The following PHKA2 variants were observed in gnomAD, a reference collection of about 807,000 sequenced individuals.
PHKA2 encodes phosphorylase b kinase regulatory subunit alpha, liver isoform.
Under a neutral mutation model 102.0 loss-of-function variants are expected in PHKA2, and 31 were observed. The observed-to-expected ratio is 0.30, with a 90% CI of 0.23 to 0.41. The LOEUF (loss-of-function observed/expected upper bound fraction) is 0.41, where lower values mean the gene tolerates loss of function less well. Ranked by LOEUF, PHKA2 falls within the 10% of genes least tolerant of loss-of-function variation. The probability of loss-of-function intolerance (pLI) is 1.00; values close to 1 mark genes in which losing one functional copy is unlikely to be tolerated. For synonymous variants in PHKA2, 455 were observed against 416.2 expected, an observed-to-expected ratio of 1.09 and a Z score of -1.13; for missense variants, 858 against 1,023.1, an observed-to-expected ratio of 0.84 and a Z score of 2.20.
Position 18,894,289 on chromosome X carries a change from G to C in PHKA2, c.3452C>G (p.Ser1151Trp). The change falls in exon 32 of 33, where the codon TCG becomes TGG. Residue 1151 changes from serine (S) to tryptophan (W), a missense_variant. Ser to Trp is a radical substitution (Grantham distance 177, BLOSUM62 -3). This residue lies in a region of PHKA2 where 671 missense variants were observed against 745.2 expected (regional missense o/e 0.90). Coordinates refer to ENST00000379942, the MANE Select transcript of PHKA2 (RefSeq NM_000292.3). ...VEAIMVLTLL[S>W]DTEMTSIGGI... ...CCCGATGCTGGTCATCTCCGTGTCC[G>C]AGAGCAGCGTCAGCACCATGATGGC... The C allele has an allele frequency of 8.3e-7, 1 of 1,211,301 alleles. No homozygotes were observed. The highest frequency in any genetic ancestry group is 1.8e-5 in the South Asian group (1 of 56,992).
chrX:18,894,668 C>A (rs1423859765), intron 31 of PHKA2: 10 of 428,077 alleles, frequency 2.3e-5, no homozygotes, highest in Non-Finnish European at 4.1e-5. Flanking sequence ...GAGCAGGGAC[C>A]ATTTCTGGTT....
At chrX:18,932,097 GAAA>G (rs1250877617) in intron 11 of PHKA2, among the ~76,000 whole-genome samples, 1 of 112,504 alleles carries the variant, frequency 8.9e-6, no homozygotes, top group African/African-American at 3.2e-5. Flanking sequence ...TGAAATGATG[GAAA>G]ACATCAGCCT....
At chrX:18,931,591 T>C (rs2048315739) in intron 12 of PHKA2, 50 bp downstream of exon 12, 1 of 909,740 alleles carries the variant, frequency 1.1e-6, no homozygotes, top group Non-Finnish European at 1.6e-6. Context: ...TGGGGTTCCC[T>C]GAACCTCCAA....
chrX:18,966,884 G>A (rs2048953055), intron 1 of PHKA2, among the ~76,000 whole-genome samples: 1 of 111,930 alleles, frequency 8.9e-6, no homozygotes, highest in Admixed American at 9.5e-5. Flanking sequence ...CTGACTGGAT[G>A]CAGGAAAAAG....
chrX:18,905,350 T>G (rs748625576), intron 26 of PHKA2, among the ~76,000 whole-genome samples: 1 of 111,716 alleles, frequency 9.0e-6, no homozygotes, highest in Non-Finnish European at 1.9e-5. Context: ...ATTTTTTTTG[T>G]ATTTTTAGTA....
chrX:18,893,230 A>G lies in PHKA2; in HGVS notation c.*255T>C. The G allele has an allele frequency of 4.7e-6, 2 of 421,356 alleles. No individual in the cohort carries two copies. The highest frequency in any genetic ancestry group is 8.3e-6 in the Non-Finnish European group (2 of 239,702). 34.7% of individuals were successfully genotyped at this position (421,356 alleles called of 1,213,427 possible). A position where few individuals can be genotyped will look rare whatever the true frequency, so the allele number is the denominator to read the frequency against. ...AGTCCGTGAGACCAGATGCTACAGC[A>G]AATGTTCCAGAGAAATGAACCTAGA... On this transcript the variant is annotated 3_prime_UTR_variant, in exon 33 of 33. Coordinates refer to ENST00000379942, the MANE Select transcript of PHKA2 (RefSeq NM_000292.3).
intron 4 of PHKA2, among the ~76,000 whole-genome samples, chrX:18,950,053 T>TGA (rs768973734): frequency 1.8e-5 from 2 of 111,479 alleles, no homozygotes; most frequent in African/African-American, 6.5e-5. Context: ...CATGCCATTG[T>TGA]GAGAGAGAGA....
chrX:18,942,127 C>T (rs1286879744), intron 7 of PHKA2, among the ~76,000 whole-genome samples: 1 of 112,063 alleles, frequency 8.9e-6, no homozygotes, highest in African/African-American at 3.2e-5. Flanking sequence ...CCAGAAACCA[C>T]TTAAAGGAGG....
In PHKA2 at chrX:18,893,742, G is replaced by A. The variant is rs991822228; in HGVS notation, c.3538-87C>T. Reference sequence around the variant, plus strand: ...CGTGGTGGTGGCAGCGGGTCAACATGGGCAGGGGTGAGGGTTGCTCTAGTA... The same window carrying A: ...CGTGGTGGTGGCAGCGGGTCAACATAGGCAGGGGTGAGGGTTGCTCTAGTA... On this transcript the variant is annotated intron_variant, in intron 32 of 32. Transcript: ENST00000379942. The A allele has an allele frequency of 1.3e-5, 11 of 877,032 alleles. No individual in the cohort carries two copies. In the African/African-American group the frequency reaches 2.2e-4, roughly 17 times the overall value. The allele number at this position is 877,032 out of a possible 1,213,427, so 72.3% of individuals were successfully genotyped here.
At chrX:18,916,349 G>A (rs1164191276) in intron 19 of PHKA2, among the ~76,000 whole-genome samples, 3 of 111,779 alleles carry the variant, frequency 2.7e-5, no homozygotes, top group Non-Finnish European at 3.8e-5. Context: ...CAGGAGGCTC[G>A]CTTGAACCCA....
chrX:18,941,463 G>A (rs1031159941), intron 8 of PHKA2, 66 bp downstream of exon 8: 2 of 995,087 alleles, frequency 2.0e-6, no homozygotes, highest in Non-Finnish European at 2.9e-6. Context: ...GGGGAACTGA[G>A]GCATGGGTGA....
At chrX:18,952,622 A>C in intron 2 of PHKA2, 81 bp from the exon 3 acceptor site, 4 of 967,751 alleles carry the variant, frequency 4.1e-6, no homozygotes, top group South Asian at 2.0e-5. Context: ...TGTGGCTGGC[A>C]AGCCAGTGCT....
intron 20 of PHKA2, among the ~76,000 whole-genome samples, chrX:18,909,212 G>A (rs1004011602): frequency 1.8e-5 from 2 of 112,158 alleles, no homozygotes; most frequent in South Asian, 7.4e-4. Flanking sequence ...AACCTCTGGT[G>A]TTAGGAATCA....
Position 18,918,850 on chromosome X carries a change from G to C in PHKA2, c.1968C>G (p.Ser656Arg), listed in dbSNP as rs1415645255. Residue 656 changes from serine (S) to arginine (R), a missense_variant, in exon 19 of 33, where the codon AGC (serine) becomes AGG (arginine). Physicochemically the swap from Ser to Arg is moderately radical, Grantham distance 110 (BLOSUM62 -1). Around this residue, in one of 2 missense-constraint regions of PHKA2, gnomAD observed 671 missense variants for 745.2 expected, o/e 0.90. Transcript: ENST00000379942. ...TGATATAATGGTCAAGTTCGTCTTG[G>C]CTTTCTGTAATTGGACAAGCAAGAA... ...GYLEDTCNQE[S>R]QDELDHYINH... 4.1e-6 allele frequency: 5 copies of C among 1,209,934 alleles called. No individual in the cohort carries two copies. Among genetic ancestry groups the C allele is most frequent in the Admixed American group, 4.4e-5 (2 of 45,933 alleles).
intron 26 of PHKA2, among the ~76,000 whole-genome samples, 171 bp from the exon 27 acceptor site, chrX:18,901,774 A>AAACGGAAG (rs1217976102): frequency 9.1e-6 from 1 of 110,473 alleles, no homozygotes; most frequent in African/African-American, 3.3e-5. Context: ...TTAAAGGAGT[A>AAACGGAAG]AACGGAAGTG....
chrX:18,930,507 G>A (rs2048295799), intron 12 of PHKA2, among the ~76,000 whole-genome samples: 1 of 110,894 alleles, frequency 9.0e-6, no homozygotes, highest in African/African-American at 3.3e-5. Context: ...GGGGAGGGGA[G>A]TTACTCGTTT....
chrX:18,975,267 C>G, intron 1 of PHKA2, among the ~76,000 whole-genome samples: 1 of 111,696 alleles, frequency 9.0e-6, no homozygotes, highest in Non-Finnish European at 1.9e-5. Flanking sequence ...CTTTCCCATG[C>G]TGTTCTCGTG....
chrX:18,967,550 G>A (rs1325737790), intron 1 of PHKA2, among the ~76,000 whole-genome samples: 1 of 108,905 alleles, frequency 9.2e-6, no homozygotes, highest in Non-Finnish European at 1.9e-5. Context: ...AGAAGTGGGT[G>A]GAGCTGAGAT....
intron 12 of PHKA2, among the ~76,000 whole-genome samples, chrX:18,930,784 T>C (rs1373634154): frequency 9.0e-6 from 1 of 111,212 alleles, no homozygotes; most frequent in Non-Finnish European, 1.9e-5. Flanking sequence ...CTGTTTCAGC[T>C]CGGCAGGTAG....
Sources: gnomAD v4.1 joint callset for allele counts (sites outside exome capture counted in the v4.1 genomes callset) on GRCh38, gnomAD v4.1.1 for gene constraint, gnomAD v4.1.1 regional missense constraint, MANE v1.5 for transcripts, NCBI Gene and HGNC (gene_info 2026-07-23, HGNC 2026-07-21) for gene names.